The following DGKK variants were observed in gnomAD, a reference collection of about 807,000 sequenced individuals.
The protein encoded by DGKK is 142 kDa diacylglycerol kinase.
In DGKK, 35 loss-of-function variants were observed where a neutral mutation model predicts 92.2. The observed-to-expected ratio is 0.38, with a 90% CI of 0.29 to 0.50. The LOEUF (loss-of-function observed/expected upper bound fraction) is 0.50. DGKK is among the 20% of genes least tolerant of loss of function. The pLI is 0.92. For synonymous variants in DGKK, 368 were observed against 360.6 expected (o/e 1.02, Z -0.23); for missense variants, 910 against 992.2 (o/e 0.92, Z 1.11).
intron 1 of DGKK, among the ~76,000 whole-genome samples, chrX:50,467,187 T>A (rs1926929378): frequency 8.9e-6 from 1 of 112,337 alleles, no homozygotes; most frequent in South Asian, 3.7e-4. Flanking sequence ...TGGGAGACCA[T>A]GGCTCATTTC....
At chrX:50,444,152 T>A (rs1557231544) in intron 1 of DGKK, among the ~76,000 whole-genome samples, 1 of 111,307 alleles carries the variant, frequency 9.0e-6, no homozygotes, top group Non-Finnish European at 1.9e-5. Flanking sequence ...GAAAATAAGT[T>A]CTCATTTCTC....
rs1480368253 is a variant in DGKK, at chrX:50,429,597, G to A, written c.646-5239C>T. Among the ~76,000 whole-genome samples the A allele has an allele frequency of 2.7e-5, 3 of 111,636 alleles. No homozygotes were observed. In the East Asian group the frequency reaches 8.5e-4, roughly 32 times the overall value. ...CCAGCTACTTGGGAGGCTGAGGCAG[G>A]AGACTGGCGTGAACCCGGGAGGCGG... is the stretch of plus-strand genomic sequence containing the variant. On this transcript the variant is annotated intron_variant, in intron 1 of 27. Coordinates refer to ENST00000611977, the MANE Select transcript of DGKK (RefSeq NM_001013742.4).
At chrX:50,457,905 T>C (rs1269936913) in intron 1 of DGKK, among the ~76,000 whole-genome samples, 12 of 112,003 alleles carry the variant, frequency 1.1e-4, no homozygotes, top group Non-Finnish European at 2.3e-4. Context: ...ACCCACTTTA[T>C]GAGATAGTTT....
chrX:50,450,878 G>A (rs188672183), intron 1 of DGKK, among the ~76,000 whole-genome samples: 1 of 111,678 alleles, frequency 9.0e-6, no homozygotes, highest in East Asian at 2.9e-4. Flanking sequence ...CAGAGCTCAG[G>A]TCTCTTAATA....
intron 1 of DGKK, among the ~76,000 whole-genome samples, chrX:50,432,743 A>G (rs1017804326): frequency 1.3e-4 from 15 of 112,708 alleles, no homozygotes; most frequent in African/African-American, 4.8e-4. Flanking sequence ...CGCTGGGACC[A>G]TAAAGCCTAA....
chrX:50,410,741 C>T (rs897531116), intron 4 of DGKK, among the ~76,000 whole-genome samples: 3 of 111,715 alleles, frequency 2.7e-5, no homozygotes, highest in Non-Finnish European at 5.6e-5. Flanking sequence ...GCCGCTTCCC[C>T]CTCAAGCTGG....
intron 4 of DGKK, among the ~76,000 whole-genome samples, chrX:50,408,535 C>T (rs913016814): frequency 1.0e-4 from 11 of 110,080 alleles, no homozygotes; most frequent in Admixed American, 9.6e-4. Flanking sequence ...CCCGCCACCA[C>T]GCCCGGCTAA....
At chrX:50,445,355 A>G (rs1303846868) in intron 1 of DGKK, among the ~76,000 whole-genome samples, 2 of 110,288 alleles carry the variant, frequency 1.8e-5, no homozygotes, top group Admixed American at 1.9e-4. Context: ...AATCTTTGCC[A>G]AGTTGTATGT....
intron 7 of DGKK, among the ~76,000 whole-genome samples, chrX:50,401,859 C>G (rs1445171615): frequency 9.0e-6 from 1 of 111,604 alleles, no homozygotes; most frequent in African/African-American, 3.3e-5. Flanking sequence ...GGCTAGAAAT[C>G]TAGATCAGGG....
chrX:50,424,193 C>A, intron 2 of DGKK, 55 bp downstream of exon 2: 1 of 1,098,183 alleles, frequency 9.1e-7, no homozygotes, highest in South Asian at 2.1e-5. Flanking sequence ...TCTTCCCACA[C>A]AAAGGTTTCC....
intron 3 of DGKK, 74 bp from the exon 4 acceptor site, chrX:50,420,581 T>TGTACCAAGCACAGATGTACC: frequency 6.6e-6 from 6 of 906,489 alleles, no homozygotes; most frequent in Non-Finnish European, 9.5e-6. Flanking sequence ...GTGAACTCTC[T>TGTACCAAGCACAGATGTACC]AAGAAACTAC....
At chrX:50,419,358 T>G (rs1925514093) in intron 4 of DGKK, among the ~76,000 whole-genome samples, 1 of 111,284 alleles carries the variant, frequency 9.0e-6, no homozygotes, top group South Asian at 3.8e-4. Flanking sequence ...CCTCGGGGAG[T>G]AGGGATGGAT....
intron 26 of DGKK, among the ~76,000 whole-genome samples, chrX:50,371,333 G>A (rs1333296877): frequency 2.7e-5 from 3 of 112,127 alleles, no homozygotes; most frequent in Non-Finnish European, 5.6e-5. Context: ...GCTGTAAACT[G>A]GCATGGCCAT....
intron 1 of DGKK, among the ~76,000 whole-genome samples, chrX:50,458,847 T>C (rs781852590): frequency 8.9e-6 from 1 of 111,927 alleles, no homozygotes; most frequent in Admixed American, 9.5e-5. Context: ...TCCCTGGCCC[T>C]GGCCTCACCT....
At position 50,368,702 on chromosome X, in the gene DGKK, A is replaced by G. The variant is rs1924033210; in HGVS notation, c.*238T>C. The G allele has an allele frequency of 2.9e-6, 1 of 340,172 alleles. No individual in the cohort carries two copies. The highest frequency in any genetic ancestry group is 4.7e-5 in the East Asian group (1 of 21,439). 28.0% of individuals were successfully genotyped at this position (340,172 alleles called of 1,213,427 possible). A position where few individuals can be genotyped will look rare whatever the true frequency, so the allele number is the denominator to read the frequency against. ...AATACTGTAGTTGCTCAAGATGCAC[A>G]AAGAGAAGGAGAACTGAACAAGACA... On this transcript the variant is annotated 3_prime_UTR_variant, in exon 28 of 28. Coordinates refer to ENST00000611977, the MANE Select transcript of DGKK (RefSeq NM_001013742.4).
rs376891365 is a variant in DGKK at position 50,365,536 on chromosome X, G to A, written c.*3404C>T. The A allele has an allele frequency of 9.0e-6, 1 of 110,991 alleles. No individual in the cohort carries two copies. The highest frequency in any genetic ancestry group is 3.9e-4 in the South Asian group (1 of 2,546). The allele number at this position is 110,991 out of a possible 1,213,427, so 9.1% of individuals were successfully genotyped here. A position where few individuals can be genotyped will look rare whatever the true frequency, so the allele number is the denominator to read the frequency against. On this transcript the variant is annotated 3_prime_UTR_variant, in exon 28 of 28. Transcript: ENST00000611977. ...GGATCTTTTTTTTCTGCTTTTTCCT[G>A]TTACCATGTAAATACCCCAGCTTCC...
intron 1 of DGKK, among the ~76,000 whole-genome samples, chrX:50,434,403 A>C (rs1215847455): frequency 8.9e-6 from 1 of 111,910 alleles, no homozygotes; most frequent in East Asian, 2.8e-4. Context: ...AGTCGCAGTG[A>C]ATAGCAGAGC....
chrX:50,376,049 C>T lies in DGKK; in HGVS notation c.3389G>A (p.Gly1130Asp), dbSNP rs782189272. The T allele has an allele frequency of 1.3e-5, 16 of 1,211,317 alleles. No homozygotes were observed. Among genetic ancestry groups the T allele is most frequent in the Non-Finnish European group, 1.8e-5 (16 of 895,123 alleles). Residue 1130 changes from glycine to aspartate, a missense_variant, in exon 24 of 28, where the codon GGT (glycine) becomes GAT (aspartate). Physicochemically the swap from Gly to Asp is moderately conservative, Grantham distance 94. Coordinates refer to ENST00000611977, the MANE Select transcript of DGKK (RefSeq NM_001013742.4). The stretch of plus-strand genomic sequence containing the variant: ...TTCAATGGGAATACAGGAAGCTGCA[C>T]CCATCTCATTGCCACTGTCTTGGCC... Reference protein sequence around the residue: ...FYGQDSGNEMGAASCIPIETL... With the variant: ...FYGQDSGNEMDAASCIPIETL...
chrX:50,391,383 G>A, intron 11 of DGKK, 54 bp downstream of exon 11: 7 of 1,184,911 alleles, frequency 5.9e-6, no homozygotes, highest in Non-Finnish European at 8.0e-6. Context: ...TTGAGATGAT[G>A]TGAGTGATGT....
Sources: gnomAD v4.1 joint callset for allele counts (sites outside exome capture counted in the v4.1 genomes callset) on GRCh38, gnomAD v4.1.1 for gene constraint, MANE v1.5 for transcripts, NCBI Gene and HGNC (gene_info 2026-07-23, HGNC 2026-07-21) for gene names.